Variants in MED27 observed in about 807,000 individuals in gnomAD.
The protein encoded by MED27 is mediator complex subunit 27.
MED27 carries 30 observed loss-of-function variants against 38.2 expected under a neutral mutation model. The ratio of observed to expected loss-of-function variants is 0.79; its 90% CI spans 0.59 to 1.07. The LOEUF (loss-of-function observed/expected upper bound fraction) is 1.07, where lower values mean the gene tolerates loss of function less well. MED27 is among the 50% of genes least tolerant of loss of function. MED27 has a pLI of 0.00. For synonymous variants in MED27, 122 were observed against 153.5 expected, an observed-to-expected ratio of 0.79 and a Z score of 1.52; for missense variants, 289 against 397.5, an observed-to-expected ratio of 0.73 and a Z score of 2.32.
intron 4 of MED27, among the ~76,000 whole-genome samples, chr9:131,897,141 G>A (rs1431276409): frequency 6.6e-6 from 1 of 152,204 alleles, no homozygotes; most frequent in Non-Finnish European, 1.5e-5. Flanking sequence ...CTACTGAGAG[G>A]ATATCCTATA....
At chr9:131,945,843 C>T (rs543136586) in intron 3 of MED27, among the ~76,000 whole-genome samples, 140 of 149,166 alleles carry the variant, frequency 9.4e-4, no homozygotes, top group African/African-American at 3.3e-3. Context: ...TGGTATGTAC[C>T]TATAGTCCCA....
chr9:131,968,471 C>T (rs1299132155), intron 3 of MED27, among the ~76,000 whole-genome samples: 1 of 98,426 alleles, frequency 1.0e-5, no homozygotes, highest in African/African-American at 4.1e-5. Context: ...GACCCTGTCT[C>T]AAAAAAAAAA....
intron 4 of MED27, among the ~76,000 whole-genome samples, chr9:131,908,770 A>G (rs999577015): frequency 4.0e-5 from 6 of 151,810 alleles, no homozygotes; most frequent in Non-Finnish European, 5.9e-5. Flanking sequence ...GCCTAGGAAA[A>G]CCAGAGACCT....
chr9:131,975,630 A>G (rs979838623), intron 3 of MED27, among the ~76,000 whole-genome samples: 34 of 152,246 alleles, frequency 2.2e-4, no homozygotes, highest in Admixed American at 2.0e-4. Flanking sequence ...AAGATGAAGA[A>G]GACACAATCC....
At chr9:131,879,047 G>C (rs1018762171) in intron 6 of MED27, among the ~76,000 whole-genome samples, 1 of 152,174 alleles carries the variant, frequency 6.6e-6, no homozygotes, top group Non-Finnish European at 1.5e-5. Context: ...AGAGTGAAAA[G>C]GGCTTGCTGA....
At chr9:132,061,916 A>G (rs1333347855) in intron 2 of MED27, among the ~76,000 whole-genome samples, 1 of 152,242 alleles carries the variant, frequency 6.6e-6, no homozygotes, top group Non-Finnish European at 1.5e-5. Context: ...ACTAGTTTTA[A>G]AAAAGAAAAA....
intron 4 of MED27, among the ~76,000 whole-genome samples, chr9:131,935,027 T>A (rs1266080063): frequency 6.6e-6 from 1 of 152,098 alleles, no homozygotes; most frequent in Non-Finnish European, 1.5e-5. Context: ...ATTGAACTCC[T>A]GTAGATAGAA....
chr9:132,018,439 T>C (rs981690015), intron 2 of MED27, among the ~76,000 whole-genome samples: 23 of 152,242 alleles, frequency 1.5e-4, no homozygotes, highest in African/African-American at 5.3e-4. Context: ...AGAAATCAGA[T>C]GAGCAATCAC....
At chr9:131,927,856 C>T (rs1181499686) in intron 4 of MED27, among the ~76,000 whole-genome samples, 6 of 152,266 alleles carry the variant, frequency 3.9e-5, no homozygotes, top group African/African-American at 1.4e-4. Context: ...ACAGACTGGA[C>T]CTGCCACGAG....
intron 4 of MED27, among the ~76,000 whole-genome samples, chr9:131,899,728 G>T (rs983563353): frequency 6.6e-6 from 1 of 152,316 alleles, no homozygotes; most frequent in Middle Eastern, 3.4e-3. Context: ...CCTGGTGTGC[G>T]CTCTCTAGCA....
rs574081331 is a variant in MED27, at chr9:131,872,771, T to C, written c.724-9631A>G. 1.5e-4 allele frequency among the ~76,000 whole-genome samples: 23 copies of C among 152,332 alleles called. No individual in the cohort carries two copies. Among genetic ancestry groups the C allele is most frequent in the African/African-American group, 5.3e-4 (22 of 41,580 alleles). On this transcript the variant is annotated intron_variant, in intron 6 of 7. Coordinates refer to ENST00000292035, the MANE Select transcript of MED27 (RefSeq NM_004269.4). The surrounding 1 kb of genome is among the most constrained non-coding windows in gnomAD (Gnocchi z 5.6). ...ATCTCCTGGCAGCATGTGCACACTG[T>C]GCCCTGAAGTTCCTGCCCCAATCCA... is the stretch of plus-strand genomic sequence containing the variant.
At chr9:131,964,341 GTGGTGGAGGTGATGGT>G (rs1831290905) in intron 3 of MED27, among the ~76,000 whole-genome samples, 1 of 151,902 alleles carries the variant, frequency 6.6e-6, no homozygotes, top group African/African-American at 2.4e-5. Context: ...GATGGTGGTG[GTGGTGGAGGTGATGGT>G]AGAGGTGATG....
At chr9:131,996,179 C>T (rs749480002) in intron 3 of MED27, among the ~76,000 whole-genome samples, 11 of 152,206 alleles carry the variant, frequency 7.2e-5, no homozygotes, top group Non-Finnish European at 1.6e-4. Context: ...ATTGGTTCTG[C>T]TCGTAAGAAG....
chr9:131,930,144 T>G (rs73553053), intron 4 of MED27, among the ~76,000 whole-genome samples: 3 of 152,196 alleles, frequency 2.0e-5, no homozygotes, highest in African/African-American at 7.2e-5. Context: ...CTAAGTGTCA[T>G]TGGTCTTAAA....
intron 4 of MED27, among the ~76,000 whole-genome samples, chr9:131,904,655 G>A (rs1830020700): frequency 6.6e-6 from 1 of 152,092 alleles, no homozygotes; most frequent in Non-Finnish European, 1.5e-5. Flanking sequence ...CATTGCACCT[G>A]GCCAACAAGG....
chr9:131,964,509 T>C (rs1339319362), intron 3 of MED27, among the ~76,000 whole-genome samples: 1 of 151,854 alleles, frequency 6.6e-6, no homozygotes, highest in African/African-American at 2.4e-5. Flanking sequence ...AGATGGTCAA[T>C]GAAAATTTCA....
At chr9:132,027,165 G>A (rs1369522123) in intron 2 of MED27, among the ~76,000 whole-genome samples, 1 of 152,238 alleles carries the variant, frequency 6.6e-6, no homozygotes, top group Non-Finnish European at 1.5e-5. Flanking sequence ...GGATGGTGGG[G>A]ATCTAACGAC....
At position 131,981,730 on chromosome 9, in the gene MED27, C is replaced by G. The variant is rs139428899; in HGVS notation, c.479+32607G>C. Among the ~76,000 whole-genome samples, 893 of 152,318 alleles carry G rather than the reference C, an allele frequency of 5.9e-3. 12 individuals carry two copies. The highest frequency in any genetic ancestry group is 0.02 in the African/African-American group (836 of 41,560). On this transcript the variant is annotated intron_variant, in intron 3 of 7. Transcript: ENST00000292035. ...CAGGAGGCTATAGTCAGCCCTGTCA[C>G]CCAGTCATCACACTGCTACCCCAAG...
intron 5 of MED27, among the ~76,000 whole-genome samples, chr9:131,885,410 G>C (rs1460020282): frequency 6.6e-6 from 1 of 152,174 alleles, no homozygotes; most frequent in African/African-American, 2.4e-5. Context: ...TCCTCCCCTA[G>C]AGTATTGAAT....
Sources: gnomAD v4.1 joint callset for allele counts (sites outside exome capture counted in the v4.1 genomes callset) on GRCh38, gnomAD v4.1.1 for gene constraint, Gnocchi (gnomAD v3.1) non-coding constraint, MANE v1.5 for transcripts, NCBI Gene and HGNC (gene_info 2026-07-23, HGNC 2026-07-21) for gene names.